The following KLF13 variants were observed in gnomAD, a reference collection of about 807,000 sequenced individuals.
KLF13 encodes the protein KLF transcription factor 13.
In KLF13, 8 loss-of-function variants were observed where a neutral mutation model predicts 16.7. That is an observed-to-expected ratio of 0.48 (90% CI 0.28 to 0.87). The LOEUF is 0.87. Ranked by LOEUF, KLF13 falls within the 40% of genes least tolerant of loss-of-function variation. The pLI is 0.10. For missense variants in KLF13, 447 were observed against 452.2 expected (o/e 0.99, Z 0.10); for synonymous variants, 245 against 208.4 (o/e 1.18, Z -1.51).
At position 31,402,937 on chromosome 15, in the gene KLF13, G is replaced by A. The variant is rs186064377; in HGVS notation, n.530-491G>A. Among the ~76,000 whole-genome samples the A allele has an allele frequency of 2.1e-4, 31 of 145,586 alleles. 1 individual carries two copies. Among genetic ancestry groups the A allele is most frequent in the Admixed American group, 1.4e-3 (21 of 15,054 alleles). On this transcript the variant is annotated intron_variant and non_coding_transcript_variant, in intron 2 of 2. Transcript: ENST00000500533. ...GACTCGTGAACTGTTTTCTTCTTTCGTAAGCAGCCTCGCTATCCCTTGCAG... is the reference window on the plus strand; with the variant it reads ...GACTCGTGAACTGTTTTCTTCTTTCATAAGCAGCCTCGCTATCCCTTGCAG...
chr15:31,429,699 A>T (rs1413500063), intron 1 of KLF13, among the ~76,000 whole-genome samples: 4 of 338 alleles, frequency 0.012, no homozygotes, highest in Non-Finnish European at 0.018. Context: ...AGATTCTTTT[A>T]TTTATTTATT....
downstream of KLF13, among the ~76,000 whole-genome samples, chr15:31,409,058 G>A (rs2040161761): frequency 6.6e-6 from 1 of 152,190 alleles, no homozygotes; most frequent in Non-Finnish European, 1.5e-5. Context: ...CCTGAGGTGT[G>A]TGGATCACCT....
intron 1 of KLF13, among the ~76,000 whole-genome samples, chr15:31,357,837 G>A (rs938890325): frequency 1.4e-4 from 22 of 152,226 alleles, no homozygotes; most frequent in Non-Finnish European, 2.4e-4. Context: ...AGACTCCCGA[G>A]CCTTTGTGGG....
At chr15:31,337,536 C>T (rs750459375) in intron 1 of KLF13, among the ~76,000 whole-genome samples, 15 of 152,288 alleles carry the variant, frequency 9.8e-5, no homozygotes, top group African/African-American at 1.4e-4. Flanking sequence ...TAGGCAGTTT[C>T]GTCCTTATGT....
intron 1 of KLF13, among the ~76,000 whole-genome samples, chr15:31,336,725 C>A (rs559921914): frequency 6.6e-6 from 1 of 152,086 alleles, no homozygotes; most frequent in Non-Finnish European, 1.5e-5. Context: ...GAACCTGACT[C>A]CTTTGTTGAC....
chr15:31,354,456 C>G (rs776425789), intron 1 of KLF13, among the ~76,000 whole-genome samples: 1 of 152,264 alleles, frequency 6.6e-6, no homozygotes, highest in Non-Finnish European at 1.5e-5. Flanking sequence ...TCTCAGCTCA[C>G]TGCAACCTCT....
In KLF13 at chr15:31,327,347, G is replaced by A; in HGVS notation, c.135G>A (p.Thr45=). ...PEGAAVAATP[T]LPRVEERRDG... ...GCGCGGCCGTGGCCGCCACCCCCAC[G>A]CTGCCCCGCGTCGAGGAGCGCCGCG... The change falls in exon 1 of 2, where the codon ACG becomes ACA. Residue 45 remains threonine, a synonymous_variant. Transcript: ENST00000307145. 1 of 1,277,460 alleles carries A rather than the reference G, an allele frequency of 7.8e-7. No homozygotes were observed. The highest frequency in any genetic ancestry group is 9.9e-7 in the Non-Finnish European group (1 of 1,014,726). The allele number at this position is 1,277,460 out of a possible 1,614,324, so 79.1% of individuals were successfully genotyped here. A position where few individuals can be genotyped will look rare whatever the true frequency, so the allele number is the denominator to read the frequency against.
chr15:31,342,697 A>G (rs1435274587), intron 1 of KLF13, among the ~76,000 whole-genome samples: 1 of 152,082 alleles, frequency 6.6e-6, no homozygotes, highest in African/African-American at 2.4e-5. Flanking sequence ...CTGCGGATAT[A>G]TGTATTTTTT....
At chr15:31,340,308 A>G (rs560854349) in intron 1 of KLF13, among the ~76,000 whole-genome samples, 11 of 152,228 alleles carry the variant, frequency 7.2e-5, no homozygotes, top group Admixed American at 6.5e-4. Flanking sequence ...ACCAAAAAAG[A>G]TGTTCAGATT....
At chr15:31,420,430 C>T in intron 1 of KLF13, 2 of 965,408 alleles carry the variant, frequency 2.1e-6, no homozygotes, top group South Asian at 1.3e-5. Flanking sequence ...TCCTCACATC[C>T]TGCTACCACC....
intron 1 of KLF13, among the ~76,000 whole-genome samples, chr15:31,414,532 G>T (rs111850736): frequency 6.6e-6 from 1 of 152,108 alleles, no homozygotes; most frequent in African/African-American, 2.4e-5. Context: ...GATGGAAAAA[G>T]ATATGTCATG....
intron 1 of KLF13, among the ~76,000 whole-genome samples, chr15:31,353,841 C>T (rs887667349): frequency 1.3e-5 from 2 of 152,036 alleles, no homozygotes; most frequent in African/African-American, 4.8e-5. Context: ...GGACTCTATA[C>T]TGCAGGCATG....
At chr15:31,424,503 A>G (rs2141011524) in intron 1 of KLF13, among the ~76,000 whole-genome samples, 1 of 152,330 alleles carries the variant, frequency 6.6e-6, no homozygotes, top group African/African-American at 2.4e-5. Flanking sequence ...AAAAAAAGAA[A>G]AAAGAATGAA....
chr15:31,383,416 C>A (rs1042292461), intron 1 of KLF13, among the ~76,000 whole-genome samples: 32 of 152,190 alleles, frequency 2.1e-4, no homozygotes, highest in Admixed American at 1.9e-3. Flanking sequence ...GAAACACAAA[C>A]TCTAAATCCA....
intron 1 of KLF13, among the ~76,000 whole-genome samples, chr15:31,433,015 G>A (rs1228436683): frequency 6.6e-6 from 1 of 152,198 alleles, no homozygotes; most frequent in African/African-American, 2.4e-5. Context: ...CTGCACTCCA[G>A]CCTGGGCGAC....
At chr15:31,355,843 G>T (rs893721127) in intron 1 of KLF13, among the ~76,000 whole-genome samples, 3 of 151,266 alleles carry the variant, frequency 2.0e-5, no homozygotes, top group Non-Finnish European at 4.4e-5. Flanking sequence ...CCCCCCATTT[G>T]TCCCCACACA....
chr15:31,333,884 A>C (rs1811767920), intron 1 of KLF13, among the ~76,000 whole-genome samples: 1 of 152,198 alleles, frequency 6.6e-6, no homozygotes, highest in African/African-American at 2.4e-5. Context: ...TCCCGTGATC[A>C]GGTCTGGTTT....
intron 1 of KLF13, among the ~76,000 whole-genome samples, chr15:31,329,240 A>G (rs2038782734): frequency 7.0e-6 from 1 of 143,848 alleles, no homozygotes; most frequent in African/African-American, 2.6e-5. Flanking sequence ...CTCAGAGTTC[A>G]GCTCGGGACG....
chr15:31,368,496 T>C (rs560130910), intron 1 of KLF13, among the ~76,000 whole-genome samples: 30 of 152,192 alleles, frequency 2.0e-4, no homozygotes, highest in Non-Finnish European at 2.9e-5. Context: ...GGACTAGATA[T>C]TTAAGGAACT....
Sources: gnomAD v4.1 joint callset for allele counts (sites outside exome capture counted in the v4.1 genomes callset) on GRCh38, gnomAD v4.1.1 for gene constraint, MANE v1.5 for transcripts, NCBI Gene and HGNC (gene_info 2026-07-23, HGNC 2026-07-21) for gene names.